ANKLE2: variants seen among roughly 807,000 people sequenced by gnomAD.
The protein encoded by ANKLE2 is ankyrin repeat and LEM domain containing 2, also known as ankyrin repeat and LEM domain-containing protein 2.
ANKLE2 carries 55 observed loss-of-function variants against 84.2 expected under a neutral mutation model. The observed-to-expected ratio is 0.65, with a 90% CI of 0.53 to 0.82. ANKLE2 has a LOEUF of 0.82. Ranked by LOEUF, ANKLE2 falls within the 40% of genes least tolerant of loss-of-function variation. The pLI, the probability that ANKLE2 is intolerant of heterozygous loss-of-function variation, is 0.00. For synonymous variants in ANKLE2, 551 were observed against 486.1 expected (o/e 1.13, Z -1.76); for missense variants, 1,238 against 1,201.9 (o/e 1.03, Z -0.44).
chr12:132,730,599 G>A (rs1039604870), intron 10 of ANKLE2: 1 of 324,772 alleles, frequency 3.1e-6, no homozygotes, highest in East Asian at 4.5e-5. Flanking sequence ...ATGGCAGGGG[G>A]GTCGCTGGAC....
intron 2 of ANKLE2, among the ~76,000 whole-genome samples, chr12:132,752,385 C>G (rs1190552520): frequency 6.6e-6 from 1 of 152,104 alleles, no homozygotes; most frequent in African/African-American, 2.4e-5. Flanking sequence ...AAAAACTGCA[C>G]CATGATCATT....
chr12:132,735,695 G>A (rs1286323867), intron 8 of ANKLE2, among the ~76,000 whole-genome samples, 183 bp from the exon 9 acceptor site: 1 of 152,190 alleles, frequency 6.6e-6, no homozygotes, highest in Non-Finnish European at 1.5e-5. Flanking sequence ...CCGCACGGCT[G>A]CACTCTGACC....
At position 132,729,885 on chromosome 12, in the gene ANKLE2, T is replaced by C. The variant is rs1481091813; in HGVS notation, c.2277A>G (p.Lys759=). ...TGATTCTTGAAGTCAGGATCTGATC[T>C]TTAGTTTTTGTACTTTCATCTGGTG... ...SKTPDESTKT[K]DQILTSRINA... Residue 759 remains lysine (K), a synonymous_variant, in exon 11 of 13, where the codon AAA becomes AAG. Coordinates refer to ENST00000357997, the MANE Select transcript of ANKLE2 (RefSeq NM_015114.3). 1.9e-6 allele frequency: 3 copies of C among 1,613,612 alleles called. No homozygotes were observed. The highest frequency in any genetic ancestry group is 1.3e-5 in the African/African-American group (1 of 74,860).
At chr12:132,746,926 C>G (rs2044250111) in intron 5 of ANKLE2, among the ~76,000 whole-genome samples, 3 of 152,156 alleles carry the variant, frequency 2.0e-5, no homozygotes, top group Non-Finnish European at 4.4e-5. Context: ...CTACTCTGCC[C>G]TGAAGGACTT....
At chr12:132,741,292 A>G in intron 7 of ANKLE2, 127 bp downstream of exon 7, 1 of 849,126 alleles carries the variant, frequency 1.2e-6, no homozygotes, top group Non-Finnish European at 1.9e-6. Context: ...TCCCGAGGAG[A>G]GGCTTCCGAG....
rs781523362 is a variant in ANKLE2 at position 132,747,835 on chromosome 12, C to T, written c.1227G>A (p.Lys409=). Reference sequence around the variant, plus strand: ...TGAGTGGAGGGTGTGCACGCACCATCTTGTCGGGGGTGTTGAGGTACAGGT... The same window carrying T: ...TGAGTGGAGGGTGTGCACGCACCATTTTGTCGGGGGTGTTGAGGTACAGGT... ...VVDLYLNTPD[K]MGYDTPLHFA... is the part of the protein sequence containing the mutation. The change falls in exon 5 of 13, where the codon AAG becomes AAA. Residue 409 remains lysine (K), a synonymous_variant. Transcript: ENST00000357997. 1.3e-5 allele frequency: 20 copies of T among 1,594,932 alleles called. No homozygotes were observed. In the Admixed American group the frequency reaches 1.9e-4, roughly 15 times the overall value.
intron 2 of ANKLE2, among the ~76,000 whole-genome samples, chr12:132,753,939 G>T (rs2044418024): frequency 6.6e-6 from 1 of 151,872 alleles, no homozygotes; most frequent in Non-Finnish European, 1.5e-5. Flanking sequence ...TCAGATGAAT[G>T]AATAAATTAA....
At chr12:132,749,713 C>T (rs2044316209) in intron 3 of ANKLE2, among the ~76,000 whole-genome samples, 1 of 152,194 alleles carries the variant, frequency 6.6e-6, no homozygotes, top group Admixed American at 6.5e-5. Flanking sequence ...AGGTTCTACC[C>T]CACACTGACC....
chr12:132,747,442 G>A (rs2044263036), intron 5 of ANKLE2, among the ~76,000 whole-genome samples: 1 of 152,218 alleles, frequency 6.6e-6, no homozygotes, highest in Non-Finnish European at 1.5e-5. Flanking sequence ...TGCAGGGGCA[G>A]CTCTGTGCCT....
In ANKLE2 at chr12:132,734,441, GC is replaced by G. The variant is rs1486630319; in HGVS notation, c.1834del (p.Ala612LeufsTer26). ...TTCCCGTTCTCCTGTTTCTTGTTGA[GC>G]CTTTTTGCCTATTTCCTGCTGTGTG... ...YLTQQEIGKK[A>X]QQETGEREAS... On this transcript the variant is annotated frameshift_variant, in exon 10 of 13. Coordinates refer to ENST00000357997, the MANE Select transcript of ANKLE2 (RefSeq NM_015114.3). LOFTEE classifies it high-confidence loss of function. 1.9e-6 allele frequency: 3 copies of G among 1,614,012 alleles called. No homozygotes were observed. The highest frequency in any genetic ancestry group is 2.5e-6 in the Non-Finnish European group (3 of 1,180,028).
At chr12:132,744,849 T>G (rs1232779877) in intron 5 of ANKLE2, among the ~76,000 whole-genome samples, 4 of 152,064 alleles carry the variant, frequency 2.6e-5, no homozygotes, top group Non-Finnish European at 5.9e-5. Flanking sequence ...CCCAGCTAAT[T>G]TTTTGTATTT....
rs772299133 is a variant in ANKLE2, at chr12:132,730,008, G to A, written c.2154C>T (p.Ala718=). The change falls in exon 11 of 13, where the codon GCC becomes GCT. Residue 718 remains alanine, a synonymous_variant. Coordinates refer to ENST00000357997, the MANE Select transcript of ANKLE2 (RefSeq NM_015114.3). Reference sequence around the variant, plus strand: ...GCAGATGGGCTTCCTCCCCACGGGGGGCCTTTGGTCTCTTGCCCGCCAGGG... The same window carrying A: ...GCAGATGGGCTTCCTCCCCACGGGGAGCCTTTGGTCTCTTGCCCGCCAGGG... ...SRTLAGKRPK[A]PRGEEAHLPP... The A allele has an allele frequency of 2.5e-6, 4 of 1,613,268 alleles. No individual in the cohort carries two copies. Among genetic ancestry groups the A allele is most frequent in the Non-Finnish European group, 1.7e-6 (2 of 1,179,912 alleles).
chr12:132,759,265 GGGGTAT>G (rs2044563604), intron 1 of ANKLE2: 1 of 148,278 alleles, frequency 6.7e-6, no homozygotes, highest in Non-Finnish European at 1.5e-5. Flanking sequence ...GTGGCACCCC[GGGGTAT>G]CAGTGTGCAA....
At chr12:132,733,183 C>T (rs2043925740) in intron 10 of ANKLE2, among the ~76,000 whole-genome samples, 1 of 149,808 alleles carries the variant, frequency 6.7e-6, no homozygotes, top group Non-Finnish European at 1.5e-5. Context: ...TCTCTGCGTG[C>T]TGGTGTCTGA....
At chr12:132,754,596 T>C in intron 2 of ANKLE2, 79 bp downstream of exon 2, 1 of 1,401,600 alleles carries the variant, frequency 7.1e-7, no homozygotes, top group Non-Finnish European at 9.6e-7. Flanking sequence ...TAATCTGTAG[T>C]TTTCCATTTT....
rs1033184456 is a variant in ANKLE2 at position 132,743,491 on chromosome 12, C to T, written c.1231-215G>A. 6.6e-6 allele frequency among the ~76,000 whole-genome samples: 1 copy of T among 151,952 alleles called. No individual in the cohort carries two copies. The highest frequency in any genetic ancestry group is 2.4e-5 in the African/African-American group (1 of 41,372). On this transcript the variant is annotated intron_variant, in intron 5 of 12. Coordinates refer to ENST00000357997, the MANE Select transcript of ANKLE2 (RefSeq NM_015114.3). This position sits in a 1 kb window ranked among gnomAD's most constrained non-coding sequence, Gnocchi z 4.1. The stretch of plus-strand genomic sequence containing the variant: ...AGTACCTGGGACTACAGGCACCCGC[C>T]ACCACACCCAGCTATTTTTTTTTTT...
chr12:132,751,131 T>C (rs1049707743), intron 2 of ANKLE2: 21 of 265,956 alleles, frequency 7.9e-5, no homozygotes, highest in Non-Finnish European at 1.2e-4. Context: ...CATATAAAGA[T>C]CTAAATAAAA....
chr12:132,744,916 G>A (rs895337991), intron 5 of ANKLE2, among the ~76,000 whole-genome samples: 5 of 152,196 alleles, frequency 3.3e-5, no homozygotes, highest in Non-Finnish European at 7.4e-5. Flanking sequence ...TCCTGACCTC[G>A]TGATCCGCCT....
intron 3 of ANKLE2, among the ~76,000 whole-genome samples, chr12:132,749,767 G>T (rs1443244037): frequency 1.3e-5 from 2 of 152,232 alleles, no homozygotes; most frequent in Non-Finnish European, 2.9e-5. Flanking sequence ...GAGCTGGGAG[G>T]TGGGCATGGG....
Sources: allele counts gnomAD v4.1 joint callset (sites outside exome capture counted in the v4.1 genomes callset), GRCh38; gene constraint gnomAD v4.1.1; non-coding constraint Gnocchi (gnomAD v3.1); transcripts MANE v1.5; gene names NCBI Gene and HGNC (gene_info 2026-07-23, HGNC 2026-07-21).